ZNF44: variants seen among roughly 807,000 people sequenced by gnomAD.
ZNF44 encodes the protein gonadotropin inducible transcription repressor-2.
ZNF44 carries 9 observed loss-of-function variants against 11.7 expected under a neutral mutation model. The ratio of observed to expected loss-of-function variants is 0.77; its 90% CI spans 0.46 to 1.35. The LOEUF is 1.35. Ranked by LOEUF, ZNF44 falls within the 40% of genes most tolerant of loss-of-function variation. ZNF44 has a pLI of 0.00. For missense variants in ZNF44, 696 were observed against 743.1 expected (o/e 0.94, Z 0.74); for synonymous variants, 224 against 242.7 (o/e 0.92, Z 0.72).
At chr19:12,275,130 C>A (rs1967159171) in intron 2 of ZNF44, 97 bp from the exon 3 acceptor site, 1 of 864,878 alleles carries the variant, frequency 1.2e-6, no homozygotes, top group African/African-American at 1.8e-5. Flanking sequence ...ATGATTCATT[C>A]ATTGAACTAT....
At chr19:12,293,365 T>C (rs562324341) in intron 1 of ZNF44, 3 of 1,536,426 alleles carry the variant, frequency 2.0e-6, no homozygotes, top group East Asian at 2.4e-5. Context: ...GAAAGTTCCA[T>C]AACACAGGGC....
At chr19:12,294,642 T>C in intron 1 of ZNF44, 50 bp downstream of exon 1, 1 of 1,549,480 alleles carries the variant, frequency 6.5e-7, no homozygotes, top group Admixed American at 1.9e-5. Flanking sequence ...TCCGACTGGT[T>C]CCGACCAGCC....
intron 3 of ZNF44, among the ~76,000 whole-genome samples, chr19:12,229,715 G>A (rs972711341): frequency 7.2e-5 from 11 of 151,744 alleles, no homozygotes; most frequent in African/African-American, 9.7e-5. Context: ...CCAGGTTCAC[G>A]CCATTCTTCT....
At chr19:12,245,631 T>C (rs1250210021), downstream of ZNF44, among the ~76,000 whole-genome samples, 1 of 152,206 alleles carries the variant, frequency 6.6e-6, no homozygotes, top group Non-Finnish European at 1.5e-5. Flanking sequence ...ATTAACAGAA[T>C]GAAGTGTTTA....
exon 8 of ZNF44, chr19:12,248,078 A>G (rs1267096925): frequency 2.3e-6 from 3 of 1,321,848 alleles, no homozygotes; most frequent in Non-Finnish European, 3.0e-6. Context: ...AACCTACAGA[A>G]GATATGTAGG....
intron 5 of ZNF44, among the ~76,000 whole-genome samples, chr19:12,254,049 T>C (rs1050452913): frequency 2.6e-5 from 4 of 151,278 alleles, no homozygotes; most frequent in African/African-American, 7.3e-5. Flanking sequence ...CTGAAATACA[T>C]GGAATCCTTC....
chr19:12,284,064 T>G (rs1702172429), intron 1 of ZNF44, among the ~76,000 whole-genome samples: 1 of 152,158 alleles, frequency 6.6e-6, no homozygotes, highest in South Asian at 2.1e-4. Flanking sequence ...AAGGAAATAT[T>G]ACCAATCCCT....
At chr19:12,235,141 C>T (rs1265113069) in intron 1 of ZNF44, among the ~76,000 whole-genome samples, 2 of 152,122 alleles carry the variant, frequency 1.3e-5, no homozygotes, top group South Asian at 2.1e-4. Context: ...CTTTGGGGGG[C>T]AGAGGCGGGC....
At chr19:12,250,262 A>C (rs1443157532) in exon 6 of ZNF44, 2 of 1,364,774 alleles carry the variant, frequency 1.5e-6, no homozygotes, top group Non-Finnish European at 2.0e-6. Context: ...CAGGTTCCTG[A>C]AGGTTTCCCA....
At chr19:12,243,033 T>C (rs910466094), downstream of ZNF44, among the ~76,000 whole-genome samples, 1 of 152,180 alleles carries the variant, frequency 6.6e-6, no homozygotes, top group South Asian at 2.1e-4. Context: ...AAATACGTCA[T>C]GCAAGAACAC....
chr19:12,288,752 C>T (rs8105459), intron 1 of ZNF44, among the ~76,000 whole-genome samples: 19,740 of 95,620 alleles, frequency 0.21, 2,388 homozygotes, highest in African/African-American at 0.4. Context: ...AGTGAGACTC[C>T]GTCTCAAAAA....
At chr19:12,289,220 T>C (rs919220474) in intron 1 of ZNF44, among the ~76,000 whole-genome samples, 2 of 151,948 alleles carry the variant, frequency 1.3e-5, no homozygotes, top group African/African-American at 4.8e-5. Flanking sequence ...GATGGGACAA[T>C]CCCCTCAGCC....
downstream of ZNF44, among the ~76,000 whole-genome samples, chr19:12,270,594 T>C (rs1221484282): frequency 6.6e-6 from 1 of 151,856 alleles, no homozygotes; most frequent in Non-Finnish European, 1.5e-5. Context: ...TGGGACTACA[T>C]GCGCATGACA....
chr19:12,250,402 G>A (rs749378206), intron 5 of ZNF44: 3 of 1,327,334 alleles, frequency 2.3e-6, no homozygotes, highest in Non-Finnish European at 3.0e-6. Context: ...AAGGAGAATG[G>A]GTGAGACTGA....
exon 8 of ZNF44, chr19:12,247,863 T>C (rs868498954): frequency 7.6e-7 from 1 of 1,309,528 alleles, no homozygotes; most frequent in Middle Eastern, 2.1e-4. Flanking sequence ...ACATTCATAG[T>C]GTTTCTGTGC....
intron 5 of ZNF44, among the ~76,000 whole-genome samples, chr19:12,251,700 C>T (rs1428614339): frequency 2.0e-5 from 3 of 152,120 alleles, no homozygotes; most frequent in African/African-American, 7.2e-5. Flanking sequence ...GAGCTCTTTC[C>T]AGCAGAACCA....
At chr19:12,284,421 T>G (rs1599542915) in intron 1 of ZNF44, 1 of 630,724 alleles carries the variant, frequency 1.6e-6, no homozygotes, top group East Asian at 3.6e-5. Context: ...CCGCGGAGAT[T>G]TCGGCAGTGG....
chr19:12,260,119 C>T (rs1568433883), intron 5 of ZNF44: 5 of 697,108 alleles, frequency 7.2e-6, no homozygotes, highest in East Asian at 2.8e-5. Context: ...CGAGAGGAGC[C>T]GCCACCATGT....
At chr19:12,278,394 CCT>C (rs1164521497) in intron 1 of ZNF44, among the ~76,000 whole-genome samples, 1 of 152,110 alleles carries the variant, frequency 6.6e-6, no homozygotes. Flanking sequence ...CTGTCAGCCC[CCT>C]GATTTCCCAC....
Sources: allele counts gnomAD v4.1 joint callset (sites outside exome capture counted in the v4.1 genomes callset), GRCh38; gene constraint gnomAD v4.1.1; transcripts MANE v1.5; gene names NCBI Gene and HGNC (gene_info 2026-07-23, HGNC 2026-07-21).